SLC10A7: variants seen among roughly 807,000 people sequenced by gnomAD.
The protein encoded by SLC10A7 is solute carrier family 10 member 7, also known as sodium/bile acid cotransporter 7.
SLC10A7 carries 29 observed loss-of-function variants against 43.2 expected under a neutral mutation model. The ratio of observed to expected loss-of-function variants is 0.67; its 90% CI spans 0.50 to 0.92. The LOEUF is 0.92. Among genes scored for constraint, SLC10A7 ranks in the 40% least tolerant of loss-of-function variants. The pLI, the probability that SLC10A7 is intolerant of heterozygous loss-of-function variation, is 0.00. For synonymous variants in SLC10A7, 152 were observed against 144.8 expected, an observed-to-expected ratio of 1.05 and a Z score of -0.35; for missense variants, 295 against 403.2, an observed-to-expected ratio of 0.73 and a Z score of 2.30.
intron 10 of SLC10A7, among the ~76,000 whole-genome samples, chr4:146,276,869 GT>G (rs1041683044): frequency 2.0e-5 from 3 of 152,094 alleles, no homozygotes; most frequent in Non-Finnish European, 4.4e-5. Flanking sequence ...TAGGAGGATG[GT>G]TGGAGCCCAG....
intron 5 of SLC10A7, among the ~76,000 whole-genome samples, chr4:146,436,008 C>T (rs1227886619): frequency 6.6e-6 from 1 of 151,806 alleles, no homozygotes; most frequent in African/African-American, 2.4e-5. Flanking sequence ...TAGTTCTACA[C>T]CAGTAGATTT....
intron 10 of SLC10A7, among the ~76,000 whole-genome samples, chr4:146,275,960 C>A (rs867744946): frequency 3.3e-5 from 5 of 152,090 alleles, no homozygotes; most frequent in Middle Eastern, 3.4e-3. Context: ...GGTGATCTTC[C>A]AGTCAGATTC....
At chr4:146,280,781 C>G (rs895560251) in intron 10 of SLC10A7, among the ~76,000 whole-genome samples, 10 of 152,190 alleles carry the variant, frequency 6.6e-5, no homozygotes. Context: ...GCAAAGAGGG[C>G]ATTTTCATAA....
intron 5 of SLC10A7, among the ~76,000 whole-genome samples, chr4:146,347,626 A>C: frequency 6.6e-6 from 1 of 152,146 alleles, no homozygotes; most frequent in East Asian, 1.9e-4. Context: ...TTCCTTCTGA[A>C]ATTTTTCTTA....
chr4:146,480,407 T>G (rs2149983925), intron 4 of SLC10A7, among the ~76,000 whole-genome samples: 1 of 152,240 alleles, frequency 6.6e-6, no homozygotes, highest in South Asian at 2.1e-4. Context: ...GATGCTCATT[T>G]CTCTTTCGTG....
chr4:146,439,832 G>A (rs923016397), intron 5 of SLC10A7, among the ~76,000 whole-genome samples: 6 of 151,976 alleles, frequency 3.9e-5, no homozygotes, highest in Non-Finnish European at 8.8e-5. Flanking sequence ...AAGAACAGGT[G>A]GATATTTTCC....
intron 9 of SLC10A7, among the ~76,000 whole-genome samples, chr4:146,286,662 T>C (rs1729990397): frequency 7.0e-6 from 1 of 143,422 alleles, no homozygotes. Flanking sequence ...GTGTCTGGAG[T>C]GGTGAGAAGG....
chr4:146,374,578 G>C (rs1027988819), intron 5 of SLC10A7, among the ~76,000 whole-genome samples: 23 of 150,528 alleles, frequency 1.5e-4, no homozygotes, highest in Non-Finnish European at 3.1e-4. Flanking sequence ...AACAGAGTGA[G>C]ACTGTCTCAA....
intron 5 of SLC10A7, among the ~76,000 whole-genome samples, chr4:146,395,153 G>A (rs879519982): frequency 1.3e-5 from 2 of 151,994 alleles, no homozygotes; most frequent in Non-Finnish European, 2.9e-5. Context: ...AGGACTGCCT[G>A]AGAACAGGAG....
chr4:146,435,865 T>A (rs1015231460), intron 5 of SLC10A7, among the ~76,000 whole-genome samples: 1 of 152,120 alleles, frequency 6.6e-6, no homozygotes, highest in Non-Finnish European at 1.5e-5. Context: ...TATTTATTTA[T>A]TTTTACTCAA....
chr4:146,410,188 C>T (rs918090463), intron 5 of SLC10A7, among the ~76,000 whole-genome samples: 1 of 152,074 alleles, frequency 6.6e-6, no homozygotes, highest in African/African-American at 2.4e-5. Context: ...GTCTACAGTT[C>T]TAACATTAGT....
At chr4:146,492,267 A>T (rs1275896760) in intron 4 of SLC10A7, among the ~76,000 whole-genome samples, 2 of 152,122 alleles carry the variant, frequency 1.3e-5, no homozygotes, top group Non-Finnish European at 2.9e-5. Context: ...TGACTTTGTA[A>T]TGCAAGTAAA....
intron 5 of SLC10A7, among the ~76,000 whole-genome samples, chr4:146,386,260 T>C (rs1190827072): frequency 6.6e-6 from 1 of 152,188 alleles, no homozygotes; most frequent in Non-Finnish European, 1.5e-5. Flanking sequence ...TTTGACTGTT[T>C]AATAATAGCC....
At chr4:146,482,582 A>G (rs1489000964) in intron 4 of SLC10A7, among the ~76,000 whole-genome samples, 22 of 59,600 alleles carry the variant, frequency 3.7e-4, no homozygotes, top group African/African-American at 1.3e-3. Flanking sequence ...AGAAAAAATA[A>G]GAAAAAAAAA....
At chr4:146,302,592 A>G (rs1404095718) in intron 7 of SLC10A7, among the ~76,000 whole-genome samples, 1 of 152,208 alleles carries the variant, frequency 6.6e-6, no homozygotes, top group Non-Finnish European at 1.5e-5. Flanking sequence ...AGGCTTCATT[A>G]AAGAGTCAAA....
rs935063486 is a variant in SLC10A7, at chr4:146,332,459, C to T, written c.436-6463G>A. On this transcript the variant is annotated intron_variant, in intron 5 of 11. Transcript: ENST00000335472. ...TCCTTCATGAATTGTTTAGCACCAT[C>T]CCTTTGGTGTTATTTTCATGATAGT... Among the ~76,000 whole-genome samples the T allele has an allele frequency of 6.7e-4, 102 of 152,124 alleles. 2 individuals are homozygous for T. The highest frequency in any genetic ancestry group is 6.3e-4 in the Non-Finnish European group (43 of 68,022).
At chr4:146,376,606 C>T (rs1304888622) in intron 5 of SLC10A7, among the ~76,000 whole-genome samples, 5 of 152,124 alleles carry the variant, frequency 3.3e-5, no homozygotes, top group Non-Finnish European at 2.9e-5. Context: ...TCCCTTCCAT[C>T]CCCTTTCCAG....
intron 6 of SLC10A7, among the ~76,000 whole-genome samples, chr4:146,313,179 C>A (rs1463282607): frequency 6.6e-6 from 1 of 152,164 alleles, no homozygotes; most frequent in Non-Finnish European, 1.5e-5. Context: ...TTAAGGAGCA[C>A]CCCCAGTAGC....
intron 5 of SLC10A7, among the ~76,000 whole-genome samples, chr4:146,408,944 G>T (rs1245791002): frequency 6.6e-6 from 1 of 152,040 alleles, no homozygotes; most frequent in African/African-American, 2.4e-5. Context: ...AGTACTGGTT[G>T]TTAATCCAGC....
Sources: gnomAD v4.1 joint callset for allele counts (sites outside exome capture counted in the v4.1 genomes callset) on GRCh38, gnomAD v4.1.1 for gene constraint, MANE v1.5 for transcripts, NCBI Gene and HGNC (gene_info 2026-07-23, HGNC 2026-07-21) for gene names.